The following DOCK8 variants were observed in gnomAD, a reference collection of about 807,000 sequenced individuals.
DOCK8 encodes the protein dedicator of cytokinesis protein 8.
In DOCK8, 141 loss-of-function variants were observed where a neutral mutation model predicts 245.6. The observed-to-expected ratio is 0.57, with a 90% confidence interval of 0.50 to 0.66. The LOEUF is 0.66. Among genes scored for constraint, DOCK8 ranks in the 30% least tolerant of loss-of-function variants. The pLI, the probability that DOCK8 is intolerant of heterozygous loss-of-function variation, is 0.00. For synonymous variants in DOCK8, 1,168 were observed against 970.2 expected (o/e 1.20, Z -3.79); for missense variants, 2,965 against 2,603.4 (o/e 1.14, Z -3.02).
intron 12 of DOCK8, among the ~76,000 whole-genome samples, 195 bp from the exon 13 acceptor site, chr9:338,811 C>T (rs191324018): frequency 9.6e-4 from 146 of 152,256 alleles, no homozygotes; most frequent in South Asian, 2.1e-3. Flanking sequence ...GAGGCCGAGG[C>T]ACAGTGAGTC....
At chr9:439,507 G>C (rs1286831958) in intron 40 of DOCK8, 119 bp downstream of exon 40, 9 of 1,368,702 alleles carry the variant, frequency 6.6e-6, no homozygotes, top group Non-Finnish European at 9.1e-6. Flanking sequence ...CACGTGCCAG[G>C]GTGTGCGGGG....
Position 400,994 on chromosome 9 carries a change from A to AT in DOCK8, c.3234+1735_3234+1736insT, listed in dbSNP as rs1480009960. 6.7e-3 allele frequency among the ~76,000 whole-genome samples: 819 copies of AT among 123,048 alleles called. 106 individuals carry two copies. The highest frequency in any genetic ancestry group is 0.014 in the East Asian group (54 of 3,730). 80.7% of individuals were successfully genotyped at this position (123,048 alleles called of 152,430 possible). ...CTCCACCATCACCACCTCCTCCACC[A>AT]CCACCACCATTAGCTCCACCATGAC... On this transcript the variant is annotated intron_variant, in intron 26 of 47. Transcript: ENST00000432829.
chr9:347,243 C>T (rs1009972275), intron 14 of DOCK8, among the ~76,000 whole-genome samples: 1 of 152,212 alleles, frequency 6.6e-6, no homozygotes, highest in Non-Finnish European at 1.5e-5. Context: ...GCGGCTCACA[C>T]CTGCAATCCC....
chr9:334,417 G>T (rs376121182), intron 11 of DOCK8, 33 bp downstream of exon 11: 1 of 1,607,346 alleles, frequency 6.2e-7, no homozygotes, highest in Non-Finnish European at 8.5e-7. Context: ...GAAAGGGAGG[G>T]CTCCCCAGTG....
chr9:300,056 C>T (rs1328881427), intron 4 of DOCK8, among the ~76,000 whole-genome samples: 2 of 151,438 alleles, frequency 1.3e-5, no homozygotes, highest in Non-Finnish European at 2.9e-5. Flanking sequence ...TGTGGTAAGC[C>T]TTGACTTGAA....
intron 1 of DOCK8, among the ~76,000 whole-genome samples, chr9:262,495 A>G (rs1352429011): frequency 2.1e-5 from 2 of 93,100 alleles, no homozygotes; most frequent in Admixed American, 1.2e-4. Flanking sequence ...CCTCTATAAT[A>G]AAAGGGAGTA....
intron 16 of DOCK8, among the ~76,000 whole-genome samples, chr9:371,090 G>GA (rs1208140048): frequency 6.6e-6 from 1 of 152,154 alleles, no homozygotes; most frequent in Admixed American, 6.5e-5. Context: ...GGTAGAAATG[G>GA]AAAAAGGAGG....
At chr9:248,483 CCT>C (rs148294528) in intron 1 of DOCK8, among the ~76,000 whole-genome samples, 10 of 151,544 alleles carry the variant, frequency 6.6e-5, no homozygotes, top group Admixed American at 2.0e-4. Context: ...CCTCCTCTCT[CCT>C]CTCTTTCTTC....
intron 43 of DOCK8, among the ~76,000 whole-genome samples, chr9:443,869 G>A (rs541362140): frequency 6.6e-6 from 1 of 152,258 alleles, no homozygotes; most frequent in Non-Finnish European, 1.5e-5. Flanking sequence ...CAAGTTTCAA[G>A]GTCATGCAAG....
At chr9:269,379 T>C (rs2048105674) in intron 1 of DOCK8, among the ~76,000 whole-genome samples, 1 of 152,168 alleles carries the variant, frequency 6.6e-6, no homozygotes, top group South Asian at 2.1e-4. Flanking sequence ...GTGGTGTATA[T>C]AGGTACTCTT....
intron 5 of DOCK8, among the ~76,000 whole-genome samples, 195 bp from the exon 6 acceptor site, chr9:311,759 C>T (rs1337549674): frequency 1.3e-5 from 2 of 152,172 alleles, no homozygotes; most frequent in Non-Finnish European, 2.9e-5. Context: ...GAGAAGAAGA[C>T]ATTTAATTTT....
intron 1 of DOCK8, among the ~76,000 whole-genome samples, chr9:271,298 G>C (rs962896880): frequency 6.6e-6 from 1 of 152,204 alleles, no homozygotes; most frequent in Non-Finnish European, 1.5e-5. Context: ...TCCTCACATA[G>C]AGAAAACTCT....
intron 2 of DOCK8, among the ~76,000 whole-genome samples, chr9:273,986 A>G (rs785848): frequency 0.43 from 65,080 of 151,992 alleles, 14,058 homozygotes; most frequent in Admixed American, 0.44. Flanking sequence ...GATTACGAGC[A>G]TGAGCCACCA....
chr9:416,589 ATCTAT>A (rs2056023250), intron 29 of DOCK8, among the ~76,000 whole-genome samples: 1 of 152,230 alleles, frequency 6.6e-6, no homozygotes, highest in Non-Finnish European at 1.5e-5. Flanking sequence ...TACACAGTAC[ATCTAT>A]TAAATATGGA....
chr9:271,534 A>T (rs79772149), intron 1 of DOCK8, 93 bp from the exon 2 acceptor site: 1 of 1,020,866 alleles, frequency 9.8e-7, no homozygotes, highest in Non-Finnish European at 1.5e-6. Context: ...GCCAAGGCCT[A>T]CGTTTTATAA....
rs34456943 is a variant in DOCK8 at position 251,972 on chromosome 9, CTTTTTTT to C, written c.54-19642_54-19636del. Reference sequence around the variant, plus strand: ...GCAGAAGCGAGAGCAATTGTGTTTTCTTTTTTTTTTTTTTTTTTTGAGATGGAGTCTT... The same window carrying C: ...GCAGAAGCGAGAGCAATTGTGTTTTCTTTTTTTTTTTTGAGATGGAGTCTT... On this transcript the variant is annotated intron_variant, in intron 1 of 47. Coordinates refer to ENST00000432829, the MANE Select transcript of DOCK8 (RefSeq NM_203447.4). Among the ~76,000 whole-genome samples the C allele has an allele frequency of 7.5e-3, 978 of 130,612 alleles. 5 individuals are homozygous for C. The highest frequency in any genetic ancestry group is 0.01 in the Non-Finnish European group (624 of 62,108). The allele number at this position is 130,612 out of a possible 152,430, so 85.7% of individuals were successfully genotyped here.
intron 1 of DOCK8, among the ~76,000 whole-genome samples, chr9:235,440 T>G (rs1290765915): frequency 1.3e-5 from 2 of 152,184 alleles, no homozygotes; most frequent in Admixed American, 1.3e-4. Context: ...AGAGGGACAT[T>G]TAAGTCTGCA....
At chr9:222,486 G>A (rs537607998) in intron 1 of DOCK8, among the ~76,000 whole-genome samples, 1 of 152,072 alleles carries the variant, frequency 6.6e-6, no homozygotes, top group Non-Finnish European at 1.5e-5. Flanking sequence ...CCTACCAGTG[G>A]CCCTACGAAT....
chr9:339,039 A>C lies in DOCK8; in HGVS notation c.1456A>C (p.Lys486Gln), dbSNP rs2051449961. The change falls in exon 13 of 48, where the codon AAG (lysine) becomes CAG (glutamine). Residue 486 changes from lysine (K) to glutamine (Q), a missense_variant. Transcript: ENST00000432829. Reference protein sequence around the residue: ...GDRLSDEDLFKFLADYKRSSS... With the variant: ...GDRLSDEDLFQFLADYKRSSS... The stretch of plus-strand genomic sequence containing the variant: ...TCGCCTTAGCGATGAAGACTTATTC[A>C]AGTTTTTAGCTGACTACAAAAGATC... The C allele has an allele frequency of 6.2e-7, 1 of 1,614,032 alleles. No individual in the cohort carries two copies. The highest frequency in any genetic ancestry group is 8.5e-7 in the Non-Finnish European group (1 of 1,180,020).
Sources: gnomAD v4.1 joint callset for allele counts (sites outside exome capture counted in the v4.1 genomes callset) on GRCh38, gnomAD v4.1.1 for gene constraint, MANE v1.5 for transcripts, NCBI Gene and HGNC (gene_info 2026-07-23, HGNC 2026-07-21) for gene names.